The following OPCML variants were observed in gnomAD, a reference collection of about 807,000 sequenced individuals.
The protein encoded by OPCML is opioid-binding protein/cell adhesion molecule.
In OPCML, 13 loss-of-function variants were observed where a neutral mutation model predicts 37.8. The ratio of observed to expected loss-of-function variants is 0.34; its 90% CI spans 0.22 to 0.55. The LOEUF (loss-of-function observed/expected upper bound fraction) is 0.55. Among genes scored for constraint, OPCML ranks in the 20% least tolerant of loss-of-function variants. OPCML has a pLI of 0.91. For synonymous variants in OPCML, 176 were observed against 168.8 expected (o/e 1.04, Z -0.33); for missense variants, 341 against 435.6 (o/e 0.78, Z 1.93).
At chr11:132,917,731 G>A (rs1366430780) in intron 2 of OPCML, among the ~76,000 whole-genome samples, 1 of 152,174 alleles carries the variant, frequency 6.6e-6, no homozygotes, top group Non-Finnish European at 1.5e-5. Flanking sequence ...CCTGGGGAAC[G>A]CTCTGATTTC....
chr11:133,505,875 G>A (rs768124821), intron 1 of OPCML, among the ~76,000 whole-genome samples: 2 of 152,112 alleles, frequency 1.3e-5, no homozygotes, highest in Non-Finnish European at 2.9e-5. Flanking sequence ...ACTCCCGGCC[G>A]ACCTTCCTCA....
chr11:133,209,814 C>T (rs1196971137), intron 1 of OPCML, among the ~76,000 whole-genome samples: 1 of 152,188 alleles, frequency 6.6e-6, no homozygotes, highest in Non-Finnish European at 1.5e-5. Context: ...CATTAATGCC[C>T]TTGCATCAGG....
chr11:133,461,196 G>T (rs1165285954), intron 1 of OPCML, among the ~76,000 whole-genome samples: 13 of 151,750 alleles, frequency 8.6e-5, no homozygotes, highest in Non-Finnish European at 1.6e-4. Context: ...CACCACTTGT[G>T]TTCAAAATAG....
At chr11:132,441,178 T>G (rs1437548079) in intron 4 of OPCML, among the ~76,000 whole-genome samples, 2 of 120,124 alleles carry the variant, frequency 1.7e-5, no homozygotes, top group Non-Finnish European at 3.5e-5. Flanking sequence ...TTTTTTTTTT[T>G]TTTTTTTGAG....
chr11:133,267,344 T>C (rs146397246), intron 1 of OPCML, among the ~76,000 whole-genome samples: 1,613 of 152,300 alleles, frequency 0.011, 13 homozygotes, highest in Non-Finnish European at 0.016. Context: ...ATTTCCCACC[T>C]CTGCCACATT....
At chr11:132,755,061 T>C (rs926329737) in intron 2 of OPCML, among the ~76,000 whole-genome samples, 1 of 152,100 alleles carries the variant, frequency 6.6e-6, no homozygotes, top group Non-Finnish European at 1.5e-5. Flanking sequence ...CTCAAATATA[T>C]AGAAAATTTG....
At chr11:132,484,207 C>A (rs937977918) in intron 4 of OPCML, among the ~76,000 whole-genome samples, 19 of 151,298 alleles carry the variant, frequency 1.3e-4, no homozygotes, top group Middle Eastern at 6.8e-3. Flanking sequence ...CAATGAACTC[C>A]AACAAATTTA....
At chr11:132,940,423 G>C (rs555574259) in intron 2 of OPCML, among the ~76,000 whole-genome samples, 1 of 152,328 alleles carries the variant, frequency 6.6e-6, no homozygotes, top group East Asian at 1.9e-4. Context: ...GATGCGCTTG[G>C]AACACTCAGT....
chr11:132,499,322 C>T (rs2096240889), intron 4 of OPCML, among the ~76,000 whole-genome samples: 1 of 152,178 alleles, frequency 6.6e-6, no homozygotes, highest in Non-Finnish European at 1.5e-5. Context: ...CAGAGCTGGG[C>T]ATGGCTGCTC....
At chr11:133,464,902 T>C (rs751487982) in intron 1 of OPCML, among the ~76,000 whole-genome samples, 4 of 152,090 alleles carry the variant, frequency 2.6e-5, no homozygotes, top group Non-Finnish European at 4.4e-5. Context: ...TCAAGGCCCT[T>C]AGACTCGGGT....
intron 1 of OPCML, among the ~76,000 whole-genome samples, chr11:133,403,973 A>T (rs944637844): frequency 3.3e-5 from 5 of 152,180 alleles, no homozygotes; most frequent in African/African-American, 1.2e-4. Context: ...GTTGCTTTGA[A>T]CCATAGACAT....
At chr11:133,363,034 C>T (rs1444157261) in intron 1 of OPCML, among the ~76,000 whole-genome samples, 1 of 152,146 alleles carries the variant, frequency 6.6e-6, no homozygotes, top group Non-Finnish European at 1.5e-5. Context: ...GGACACTGCG[C>T]GAGGCCAGCC....
At chr11:132,519,276 A>C (rs1417272742) in intron 4 of OPCML, among the ~76,000 whole-genome samples, 4 of 152,224 alleles carry the variant, frequency 2.6e-5, no homozygotes, top group Admixed American at 6.5e-5. Flanking sequence ...GTGGGGGTCA[A>C]TGTGAAGGCA....
chr11:133,339,310 GA>G lies in OPCML; in HGVS notation c.61+192953del, dbSNP rs559089397. ...TTATTACCTTCTCCAATTTAAAGAT[GA>G]AAAAGCTTGAGACTCAGAGGTTATG... On this transcript the variant is annotated intron_variant, in intron 1 of 7. Transcript: ENST00000524381. Among the ~76,000 whole-genome samples, 912 of 152,282 alleles carry G rather than the reference GA, an allele frequency of 6.0e-3. 10 individuals carry two copies. The highest frequency in any genetic ancestry group is 0.01 in the Middle Eastern group (3 of 294).
At chr11:132,746,423 C>A (rs1349478629) in intron 2 of OPCML, among the ~76,000 whole-genome samples, 1 of 152,134 alleles carries the variant, frequency 6.6e-6, no homozygotes, top group Non-Finnish European at 1.5e-5. Context: ...TGTGAGGAGA[C>A]ACCACTCTCA....
chr11:132,473,173 C>A (rs558668361), intron 4 of OPCML, among the ~76,000 whole-genome samples: 1 of 152,192 alleles, frequency 6.6e-6, no homozygotes, highest in African/African-American at 2.4e-5. Context: ...TGACCTTTGG[C>A]AAAGCCATTC....
chr11:132,742,119 T>G (rs1945452763), intron 2 of OPCML, among the ~76,000 whole-genome samples: 1 of 152,204 alleles, frequency 6.6e-6, no homozygotes. Flanking sequence ...ATGATGTGAT[T>G]TTCTATGCTG....
At chr11:133,031,445 G>A (rs201178733) in intron 1 of OPCML, among the ~76,000 whole-genome samples, 13,924 of 146,584 alleles carry the variant, frequency 0.095, 1,020 homozygotes, top group East Asian at 0.28. Flanking sequence ...ATGGGTAGGT[G>A]AATGGATGGA....
chr11:132,811,082 C>T (rs1034052915), intron 2 of OPCML, among the ~76,000 whole-genome samples: 1 of 152,084 alleles, frequency 6.6e-6, no homozygotes, highest in South Asian at 2.1e-4. Flanking sequence ...TTTTTAGGTG[C>T]CCCCCAAGAG....
Sources: gnomAD v4.1 joint callset for allele counts (sites outside exome capture counted in the v4.1 genomes callset) on GRCh38, gnomAD v4.1.1 for gene constraint, MANE v1.5 for transcripts, NCBI Gene and HGNC (gene_info 2026-07-23, HGNC 2026-07-21) for gene names.